The following GRHL2 variants were observed in gnomAD, a reference collection of about 807,000 sequenced individuals.
GRHL2 encodes the protein grainyhead-like protein 2 homolog.
A neutral mutation model predicts 83.8 loss-of-function variants in GRHL2; 21 were observed. The ratio of observed to expected loss-of-function variants is 0.25; its 90% CI spans 0.18 to 0.36. The LOEUF is 0.36. GRHL2 is among the 10% of genes least tolerant of loss of function. The pLI is 1.00. For synonymous variants in GRHL2, 280 were observed against 278.9 expected, an observed-to-expected ratio of 1.00 and a Z score of -0.04; for missense variants, 623 against 781.8, an observed-to-expected ratio of 0.80 and a Z score of 2.42.
chr8:101,578,556 A>G (rs1395305355), intron 7 of GRHL2, among the ~76,000 whole-genome samples: 1 of 152,216 alleles, frequency 6.6e-6, no homozygotes, highest in African/African-American at 2.4e-5. Flanking sequence ...TTACTTAAAA[A>G]CAGACAGTAA....
At chr8:101,518,529 C>T (rs1810617934) in intron 1 of GRHL2, among the ~76,000 whole-genome samples, 1 of 152,220 alleles carries the variant, frequency 6.6e-6, no homozygotes. Context: ...CACTTGACTT[C>T]TGGTGTGTTT....
At chr8:101,656,187 A>G (rs561517607) in intron 14 of GRHL2, among the ~76,000 whole-genome samples, 1 of 152,336 alleles carries the variant, frequency 6.6e-6, no homozygotes, top group East Asian at 1.9e-4. Context: ...TGTCAAGTTC[A>G]TGAGATCAGG....
chr8:101,502,313 C>T (rs1810246203), intron 1 of GRHL2, among the ~76,000 whole-genome samples: 1 of 152,154 alleles, frequency 6.6e-6, no homozygotes, highest in Non-Finnish European at 1.5e-5. Flanking sequence ...TGGCTCACAG[C>T]AGGGGCCATG....
chr8:101,660,471 T>C (rs1813897595), intron 14 of GRHL2, among the ~76,000 whole-genome samples: 1 of 152,176 alleles, frequency 6.6e-6, no homozygotes, highest in Non-Finnish European at 1.5e-5. Context: ...TTCTTTATCT[T>C]TCTCTTTATT....
intron 8 of GRHL2, among the ~76,000 whole-genome samples, chr8:101,605,651 G>A (rs151022679): frequency 1.3e-3 from 201 of 152,256 alleles, no homozygotes; most frequent in African/African-American, 4.6e-3. Flanking sequence ...CTCTATCCAC[G>A]TCTTCTGTTG....
intron 1 of GRHL2, among the ~76,000 whole-genome samples, chr8:101,515,818 G>GC (rs532128611): frequency 2.0e-3 from 297 of 152,286 alleles, no homozygotes; most frequent in African/African-American, 6.7e-3. Context: ...ACCAAAGACA[G>GC]CTTAAGAATA....
intron 9 of GRHL2, among the ~76,000 whole-genome samples, chr8:101,624,080 T>C (rs1274384146): frequency 7.0e-6 from 1 of 142,092 alleles, no homozygotes; most frequent in African/African-American, 2.7e-5. Context: ...CAGTACACAG[T>C]AGGACAGTAC....
intron 5 of GRHL2, among the ~76,000 whole-genome samples, chr8:101,570,829 T>A (rs1337432614): frequency 6.6e-6 from 1 of 152,248 alleles, no homozygotes; most frequent in Non-Finnish European, 1.5e-5. Flanking sequence ...TTCTTTCCTG[T>A]TGGACTTTCT....
At chr8:101,593,970 G>A (rs1444124145) in intron 7 of GRHL2, among the ~76,000 whole-genome samples, 1 of 150,928 alleles carries the variant, frequency 6.6e-6, no homozygotes, top group African/African-American at 2.4e-5. Flanking sequence ...TCGGGAGGCT[G>A]AGGCAGAGGA....
chr8:101,537,775 C>A (rs143222228), intron 1 of GRHL2, among the ~76,000 whole-genome samples: 1 of 152,252 alleles, frequency 6.6e-6, no homozygotes, highest in East Asian at 1.9e-4. Context: ...AAGCATCCTC[C>A]CCCTATATCA....
At chr8:101,628,800 T>C (rs1008416929) in intron 9 of GRHL2, among the ~76,000 whole-genome samples, 1 of 152,100 alleles carries the variant, frequency 6.6e-6, no homozygotes, top group Non-Finnish European at 1.5e-5. Flanking sequence ...AGTACTTCAG[T>C]AGAGGAAGTA....
chr8:101,559,473 T>A (rs1437899535), intron 4 of GRHL2, among the ~76,000 whole-genome samples: 5 of 151,088 alleles, frequency 3.3e-5, no homozygotes, highest in Admixed American at 3.3e-4. Flanking sequence ...GAGGTTGCAG[T>A]GAGCCGAGAT....
At chr8:101,500,215 A>T (rs1483831696) in intron 1 of GRHL2, among the ~76,000 whole-genome samples, 1 of 152,244 alleles carries the variant, frequency 6.6e-6, no homozygotes, top group Non-Finnish European at 1.5e-5. Flanking sequence ...AATGAGCAGC[A>T]ACAGGCTGGA....
intron 8 of GRHL2, among the ~76,000 whole-genome samples, chr8:101,601,074 T>C (rs1044981892): frequency 1.3e-5 from 2 of 151,924 alleles, no homozygotes; most frequent in Admixed American, 1.3e-4. Context: ...GTGGGAGGAT[T>C]GCTCAAGCCC....
chr8:101,625,159 C>A (rs1334068778), intron 9 of GRHL2, among the ~76,000 whole-genome samples: 1 of 151,966 alleles, frequency 6.6e-6, no homozygotes, highest in Non-Finnish European at 1.5e-5. Flanking sequence ...ATTGTAGAAT[C>A]CCCCTCCATG....
At chr8:101,565,983 A>C (rs1474867130) in intron 4 of GRHL2, among the ~76,000 whole-genome samples, 1 of 152,206 alleles carries the variant, frequency 6.6e-6, no homozygotes, top group Non-Finnish European at 1.5e-5. Flanking sequence ...TGAAACTGGA[A>C]GTGATCCTGG....
At chr8:101,672,714 T>C (rs569424982), downstream of GRHL2, among the ~76,000 whole-genome samples, 281 of 151,734 alleles carry the variant, frequency 1.9e-3, no homozygotes, top group African/African-American at 6.3e-3. Flanking sequence ...GTCACAAAGA[T>C]ACTCCTCGAG....
At chr8:101,524,735 A>T (rs1346906109) in intron 1 of GRHL2, among the ~76,000 whole-genome samples, 1 of 152,068 alleles carries the variant, frequency 6.6e-6, no homozygotes, top group African/African-American at 2.4e-5. Context: ...GTCTTGCTTA[A>T]TGGCCTGATA....
chr8:101,509,120 TCC>T lies in GRHL2; in HGVS notation c.20+16332_20+16333del, dbSNP rs1282116585. Among the ~76,000 whole-genome samples the T allele has an allele frequency of 9.4e-4, 49 of 52,360 alleles. No individual in the cohort carries two copies. In the South Asian group the frequency reaches 0.029, roughly 31 times the overall value. The allele number at this position is 52,360 out of a possible 152,430, so 34.4% of individuals were successfully genotyped here. A position where few individuals can be genotyped will look rare whatever the true frequency, so the allele number is the denominator to read the frequency against. On this transcript the variant is annotated intron_variant, in intron 1 of 15. Coordinates refer to ENST00000646743, the MANE Select transcript of GRHL2 (RefSeq NM_024915.4). ...TTCTTTCTTTCTCTCCTTCCTTCCTTCCTTCCTTCCTTCCTTCCTTCCTTCCT... is the reference window on the plus strand; with the variant it reads ...TTCTTTCTTTCTCTCCTTCCTTCCTTTTCCTTCCTTCCTTCCTTCCTTCCT...
Sources: gnomAD v4.1 joint callset for allele counts (sites outside exome capture counted in the v4.1 genomes callset) on GRCh38, gnomAD v4.1.1 for gene constraint, MANE v1.5 for transcripts, NCBI Gene and HGNC (gene_info 2026-07-23, HGNC 2026-07-21) for gene names.